Variants in NSG2 observed in about 807,000 individuals in gnomAD.
NSG2 encodes the protein neuronal vesicle trafficking-associated protein 2.
In NSG2, 4 loss-of-function variants were observed where a neutral mutation model predicts 16.9. That is an observed-to-expected ratio of 0.24 (90% confidence interval 0.12 to 0.54). The LOEUF (loss-of-function observed/expected upper bound fraction) is 0.54. Ranked by LOEUF, NSG2 falls within the 20% of genes least tolerant of loss-of-function variation. The pLI, the probability that NSG2 is intolerant of heterozygous loss-of-function variation, is 0.95. For synonymous variants in NSG2, 98 were observed against 88.7 expected, an observed-to-expected ratio of 1.11 and a Z score of -0.59; for missense variants, 179 against 221.1, an observed-to-expected ratio of 0.81 and a Z score of 1.21.
intron 3 of NSG2, among the ~76,000 whole-genome samples, chr5:174,089,179 C>T (rs77366181): frequency 0.019 from 2,921 of 152,220 alleles, 92 homozygotes; most frequent in African/African-American, 0.066. Context: ...CCCCAAATGG[C>T]AAAGAACTGC....
intron 2 of NSG2, among the ~76,000 whole-genome samples, chr5:174,056,753 T>G (rs995845515): frequency 1.3e-5 from 2 of 152,246 alleles, no homozygotes; most frequent in Non-Finnish European, 2.9e-5. Context: ...AATACAATCT[T>G]GCTCCTTGTC....
At chr5:174,101,408 T>G (rs1760894140) in intron 3 of NSG2, among the ~76,000 whole-genome samples, 1 of 152,210 alleles carries the variant, frequency 6.6e-6, no homozygotes, top group South Asian at 2.1e-4. Context: ...TCAAAATGTT[T>G]TCATCACACC....
At chr5:174,100,050 G>A (rs774713748) in intron 3 of NSG2, among the ~76,000 whole-genome samples, 1 of 152,230 alleles carries the variant, frequency 6.6e-6, no homozygotes, top group Admixed American at 6.5e-5. Flanking sequence ...CCAAAATTCA[G>A]GACAGGGAGG....
intron 3 of NSG2, among the ~76,000 whole-genome samples, chr5:174,089,774 C>A (rs943310316): frequency 1.3e-5 from 2 of 152,106 alleles, no homozygotes; most frequent in Admixed American, 1.3e-4. Flanking sequence ...ACTACCACCT[C>A]CGGCTAGTTT....
At chr5:174,096,145 G>A (rs1760791242) in intron 3 of NSG2, among the ~76,000 whole-genome samples, 1 of 152,258 alleles carries the variant, frequency 6.6e-6, no homozygotes, top group Admixed American at 6.5e-5. Context: ...ACAGTGCCAA[G>A]AACAGTGCCT....
At chr5:174,055,555 A>G (rs1759955603) in intron 2 of NSG2, among the ~76,000 whole-genome samples, 1 of 152,090 alleles carries the variant, frequency 6.6e-6, no homozygotes, top group African/African-American at 2.4e-5. Context: ...CCAAGATATC[A>G]CGCCACCGCA....
Position 174,056,887 on chromosome 5 carries a change from G to A in NSG2, c.130-7345G>A, listed in dbSNP as rs540744238. Among the ~76,000 whole-genome samples the A allele has an allele frequency of 4.6e-5, 7 of 152,336 alleles. No homozygotes were observed. In the South Asian group the frequency reaches 6.2e-4, roughly 14 times the overall value. On this transcript the variant is annotated intron_variant, in intron 2 of 4. Transcript: ENST00000303177. ...ATTTTTATGATCTGTACTTTGCACT[G>A]TCTGAACCACCATGTATTATCTGGC...
chr5:174,063,257 C>G lies in NSG2; in HGVS notation c.130-975C>G, dbSNP rs535288257. 8.5e-5 allele frequency among the ~76,000 whole-genome samples: 13 copies of G among 152,282 alleles called. No homozygotes were observed. The South Asian group carries it at 2.7e-3, about 32-fold the overall frequency. ...TTCCTCATGGCACTGCAGCACTTGG[C>G]AATAGTTATTGATTATCTGTCAGGT... On this transcript the variant is annotated intron_variant, in intron 2 of 4. Coordinates refer to ENST00000303177, the MANE Select transcript of NSG2 (RefSeq NM_015980.5).
chr5:174,087,644 G>A lies in NSG2; in HGVS notation c.214-16584G>A, dbSNP rs960737859. On this transcript the variant is annotated intron_variant, in intron 3 of 4. Coordinates refer to ENST00000303177, the MANE Select transcript of NSG2 (RefSeq NM_015980.5). ...AAAAATAATAAAAAAAAAATAGCTG[G>A]GCATAGTGGTGCACCCCTGCAAGTC... Among the ~76,000 whole-genome samples, 32 of 151,810 alleles carry A rather than the reference G, an allele frequency of 2.1e-4. 1 individual carries two copies. Among genetic ancestry groups the A allele is most frequent in the Non-Finnish European group, 2.4e-4 (16 of 67,946 alleles).
In NSG2 at chr5:174,072,271, G is replaced by C. The variant is rs1760257580; in HGVS notation, c.213+7956G>C. The stretch of plus-strand genomic sequence containing the variant: ...GCACATGCCCCACAGTGGCATTTCT[G>C]TGCCTCCATTGCTTACCTGCCTCTC... On this transcript the variant is annotated intron_variant, in intron 3 of 4. Transcript: ENST00000303177. The surrounding 1 kb of genome is among the most constrained non-coding windows in gnomAD (Gnocchi z 4.0). 6.6e-6 allele frequency among the ~76,000 whole-genome samples: 1 copy of C among 152,182 alleles called. No individual in the cohort carries two copies. Among genetic ancestry groups the C allele is most frequent in the Non-Finnish European group, 1.5e-5 (1 of 68,034 alleles).
At chr5:174,061,311 A>G (rs1358696062) in intron 2 of NSG2, among the ~76,000 whole-genome samples, 1 of 152,248 alleles carries the variant, frequency 6.6e-6, no homozygotes, top group Non-Finnish European at 1.5e-5. Context: ...AATATTTCTA[A>G]TAACTGGAAT....
intron 4 of NSG2, among the ~76,000 whole-genome samples, chr5:174,105,557 G>A (rs1372727947): frequency 1.3e-5 from 2 of 152,152 alleles, no homozygotes; most frequent in South Asian, 2.1e-4. Context: ...ACTACTGAAC[G>A]AACGTGGAGG....
rs1167367398 is a variant in NSG2 at position 174,045,784 on chromosome 5, C to G, written c.-82C>G. The G allele has an allele frequency of 6.6e-6, 1 of 152,406 alleles. No individual in the cohort carries two copies. The highest frequency in any genetic ancestry group is 6.5e-5 in the Admixed American group (1 of 15,286). The allele number at this position is 152,406 out of a possible 1,614,324, so 9.4% of individuals were successfully genotyped here. The stretch of plus-strand genomic sequence containing the variant: ...CGGGCTGAGGAGGGAGGACTCCTGG[C>G]CGTCCTCCTCCTCTTCAAATTGGCT... On this transcript the variant is annotated 5_prime_UTR_variant, in exon 1 of 5. Transcript: ENST00000303177.
rs151110965 is a variant in NSG2, at chr5:174,072,984, A to AAATGAATGAATG, written c.213+8682_213+8693dup. ...GGGTAACAGAGTGAGATCCTGTCTCAAATGAATGAATGAATGAATGAATGC... is the reference window on the plus strand; with the variant it reads ...GGGTAACAGAGTGAGATCCTGTCTCAAATGAATGAATGAATGAATGAATGAATGAATGAATGC... On this transcript the variant is annotated intron_variant, in intron 3 of 4. Transcript: ENST00000303177. The surrounding 1 kb of genome is among the most constrained non-coding windows in gnomAD (Gnocchi z 4.0). Among the ~76,000 whole-genome samples, 1 of 142,734 alleles carries AAATGAATGAATG rather than the reference A, an allele frequency of 7.0e-6. No individual in the cohort carries two copies. The highest frequency in any genetic ancestry group is 1.6e-5 in the Non-Finnish European group (1 of 63,466). The allele number at this position is 142,734 out of a possible 152,430, so 93.6% of individuals were successfully genotyped here. A position where few individuals can be genotyped will look rare whatever the true frequency, so the allele number is the denominator to read the frequency against.
rs1008697300 is a variant in NSG2 at position 174,108,231 on chromosome 5, CAAACGCTG to C, written c.*728_*735del. 6.2e-6 allele frequency: 1 copy of C among 161,386 alleles called. No individual in the cohort carries two copies. Among genetic ancestry groups the C allele is most frequent in the African/African-American group, 2.4e-5 (1 of 41,462 alleles). 10.0% of individuals were successfully genotyped at this position (161,386 alleles called of 1,614,324 possible). ...CCTGCGACGGTGGGTTCTGCATCAG[CAAACGCTG>C]AGGAGTGGGCAGATTTTCTTTGTCT... On this transcript the variant is annotated 3_prime_UTR_variant, in exon 5 of 5. Transcript: ENST00000303177.
intron 3 of NSG2, chr5:174,066,187 T>C (rs963164029): frequency 1.1e-5 from 5 of 456,140 alleles, no homozygotes; most frequent in Admixed American, 7.0e-5. Flanking sequence ...GGTCTTACTT[T>C]TTTATTGTAC....
At chr5:174,051,237 C>T (rs555167571) in intron 2 of NSG2, among the ~76,000 whole-genome samples, 54 of 151,978 alleles carry the variant, frequency 3.6e-4, no homozygotes, top group Non-Finnish European at 6.6e-4. Flanking sequence ...TACAGGACAC[C>T]CAAGTCCCCC....
chr5:174,060,026 A>G lies in NSG2; in HGVS notation c.130-4206A>G, dbSNP rs992453293. ...ATCACTGTCACTAAGGAAGTGGTCAATCCCACTGAACCACATGGCTGCCAC... is the reference window on the plus strand; with the variant it reads ...ATCACTGTCACTAAGGAAGTGGTCAGTCCCACTGAACCACATGGCTGCCAC... On this transcript the variant is annotated intron_variant, in intron 2 of 4. Coordinates refer to ENST00000303177, the MANE Select transcript of NSG2 (RefSeq NM_015980.5). Among the ~76,000 whole-genome samples the G allele has an allele frequency of 2.6e-5, 4 of 152,172 alleles. No individual in the cohort carries two copies. The East Asian group carries it at 5.8e-4, about 22-fold the overall frequency.
chr5:174,102,510 G>A (rs899864044), intron 3 of NSG2, among the ~76,000 whole-genome samples: 6 of 152,088 alleles, frequency 3.9e-5, no homozygotes, highest in Non-Finnish European at 5.9e-5. Context: ...TAGATGCCCC[G>A]GTATCATGGG....
Sources: allele counts gnomAD v4.1 joint callset (sites outside exome capture counted in the v4.1 genomes callset), GRCh38; gene constraint gnomAD v4.1.1; non-coding constraint Gnocchi (gnomAD v3.1); transcripts MANE v1.5; gene names NCBI Gene and HGNC (gene_info 2026-07-23, HGNC 2026-07-21).